The following MECOM variants were observed in gnomAD, a reference collection of about 807,000 sequenced individuals.
The protein encoded by MECOM is histone-lysine N-methyltransferase MECOM.
Under a neutral mutation model 116.3 loss-of-function variants are expected in MECOM, and 13 were observed. The ratio of observed to expected loss-of-function variants is 0.11; its 90% CI spans 0.07 to 0.18. The LOEUF (loss-of-function observed/expected upper bound fraction) is 0.18, where lower values mean the gene tolerates loss of function less well. MECOM is among the 10% of genes least tolerant of loss of function. The pLI is 1.00. For missense variants in MECOM, 1,299 were observed against 1,509.0 expected (o/e 0.86, Z 2.31); for synonymous variants, 528 against 535.2 (o/e 0.99, Z 0.19).
intron 1 of MECOM, among the ~76,000 whole-genome samples, chr3:169,561,111 T>C (rs551508388): frequency 1.8e-4 from 28 of 151,844 alleles, no homozygotes; most frequent in Non-Finnish European, 3.8e-4. Flanking sequence ...ATTAAAATAA[T>C]AAAATATAAT....
chr3:169,438,933 A>C (rs1743159789), intron 1 of MECOM, among the ~76,000 whole-genome samples: 1 of 152,088 alleles, frequency 6.6e-6, no homozygotes, highest in East Asian at 1.9e-4. Context: ...CATAAATTAA[A>C]AACAATCTCA....
chr3:169,421,664 C>A (rs1054834280), intron 1 of MECOM, among the ~76,000 whole-genome samples: 4 of 151,580 alleles, frequency 2.6e-5, no homozygotes, highest in African/African-American at 9.7e-5. Flanking sequence ...GCAAACCAAT[C>A]ACTTATAGCA....
chr3:169,355,447 ATCT>A (rs1727106049), intron 2 of MECOM, among the ~76,000 whole-genome samples: 1 of 151,952 alleles, frequency 6.6e-6, no homozygotes, highest in Admixed American at 6.6e-5. Flanking sequence ...TTGCAAAGTA[ATCT>A]TCTACCAAAC....
At chr3:169,142,833 T>C (rs1017035431) in intron 3 of MECOM, among the ~76,000 whole-genome samples, 1 of 151,976 alleles carries the variant, frequency 6.6e-6, no homozygotes, top group Admixed American at 6.6e-5. Context: ...GGTGATTTCA[T>C]AGTAGATTTG....
intron 12 of MECOM, among the ~76,000 whole-genome samples, chr3:169,097,174 A>G (rs1721768084): frequency 6.6e-6 from 1 of 152,114 alleles, no homozygotes. Context: ...TTCTACACAA[A>G]TCATGAGGAA....
intron 2 of MECOM, among the ~76,000 whole-genome samples, chr3:169,329,068 A>G (rs1324555690): frequency 6.6e-6 from 1 of 152,232 alleles, no homozygotes; most frequent in Non-Finnish European, 1.5e-5. Flanking sequence ...TCCGAAGTAA[A>G]GAAATGTTAT....
chr3:169,504,899 C>T (rs1755006547), intron 1 of MECOM, among the ~76,000 whole-genome samples: 1 of 152,182 alleles, frequency 6.6e-6, no homozygotes, highest in African/African-American at 2.4e-5. Flanking sequence ...TATGCTTACG[C>T]TTAGCATAGG....
chr3:169,573,389 G>C (rs1340557843), intron 1 of MECOM, among the ~76,000 whole-genome samples: 1 of 152,196 alleles, frequency 6.6e-6, no homozygotes, highest in African/African-American at 2.4e-5. Context: ...TGGAATCTTG[G>C]AAAGGGAGAA....
At chr3:169,199,270 C>T (rs1748844863) in intron 2 of MECOM, among the ~76,000 whole-genome samples, 1 of 152,002 alleles carries the variant, frequency 6.6e-6, no homozygotes, top group Non-Finnish European at 1.5e-5. Context: ...CCGTCAGCAC[C>T]CCAGCAGAGC....
chr3:169,191,714 AAGAAAAAAAGAAAGAAAGAAAGAAAG>A (rs1342860700), intron 2 of MECOM, among the ~76,000 whole-genome samples: 2,266 of 43,064 alleles, frequency 0.053, 45 homozygotes, highest in African/African-American at 0.095. Flanking sequence ...GAAAGAAAGA[AAGAAAAAAAGAAAGAAAGAAAGAAAG>A]AGAAAGAAAG....
intron 2 of MECOM, among the ~76,000 whole-genome samples, chr3:169,172,799 G>A (rs1230281044): frequency 6.6e-6 from 1 of 152,086 alleles, no homozygotes; most frequent in African/African-American, 2.4e-5. Flanking sequence ...CAGCTAACCG[G>A]CAGCAAGCCC....
At chr3:169,338,025 C>T (rs1000093399) in intron 2 of MECOM, among the ~76,000 whole-genome samples, 4 of 152,150 alleles carry the variant, frequency 2.6e-5, no homozygotes, top group African/African-American at 7.2e-5. Context: ...TTCATAAGTG[C>T]TGCATATTCA....
Position 169,482,667 on chromosome 3 carries a change from A to G in MECOM, c.38-101143T>C, listed in dbSNP as rs539238603. On this transcript the variant is annotated intron_variant, in intron 1 of 16. Transcript: ENST00000651503. ...TCTAACAAGATGAAGTCATGCATCGAGAAGTCAGTGCTCATTGTCTCCTTG... is the reference window on the plus strand; with the variant it reads ...TCTAACAAGATGAAGTCATGCATCGGGAAGTCAGTGCTCATTGTCTCCTTG... Among the ~76,000 whole-genome samples, 330 of 152,276 alleles carry G rather than the reference A, an allele frequency of 2.2e-3. 2 individuals are homozygous for G. The highest frequency in any genetic ancestry group is 7.7e-3 in the African/African-American group (319 of 41,562).
intron 2 of MECOM, among the ~76,000 whole-genome samples, chr3:169,172,465 G>T (rs909101728): frequency 6.7e-6 from 1 of 148,934 alleles, no homozygotes; most frequent in Admixed American, 6.7e-5. Context: ...AAAATTAAAG[G>T]CCTATCCATA....
At position 169,095,260 on chromosome 3, in the gene MECOM, AAG is replaced by A. The variant is rs1410336931; in HGVS notation, c.2850-17_2850-16del. 2 of 1,598,262 alleles carry A rather than the reference AAG, an allele frequency of 1.3e-6. No individual in the cohort carries two copies. Among genetic ancestry groups the A allele is most frequent in the Admixed American group, 3.5e-5 (2 of 57,968 alleles). On this transcript the variant is annotated splice_polypyrimidine_tract_variant and intron_variant, in intron 12 of 16. Coordinates refer to ENST00000651503, the MANE Select transcript of MECOM (RefSeq NM_004991.4). ...AGTATTTGCATCTGAAAAATAAACA[AAG>A]AGAAAATATTAGCAAGCACATTAAA...
At chr3:169,500,429 A>C (rs557744754) in intron 1 of MECOM, among the ~76,000 whole-genome samples, 1 of 152,040 alleles carries the variant, frequency 6.6e-6, no homozygotes, top group African/African-American at 2.4e-5. Flanking sequence ...TGTCAAAAAG[A>C]GACAAAACCA....
At chr3:169,439,302 T>C (rs1560276054) in intron 1 of MECOM, among the ~76,000 whole-genome samples, 2 of 147,420 alleles carry the variant, frequency 1.4e-5, no homozygotes, top group East Asian at 3.9e-4. Context: ...ATATACATAA[T>C]TAACTAAGGA....
chr3:169,491,029 T>A (rs1753029955), intron 1 of MECOM, among the ~76,000 whole-genome samples: 1 of 151,866 alleles, frequency 6.6e-6, no homozygotes, highest in Admixed American at 6.6e-5. Context: ...CAGTTAACAT[T>A]TTAATTTTTT....
chr3:169,621,253 G>A (rs1014916910), intron 1 of MECOM, among the ~76,000 whole-genome samples: 6 of 152,100 alleles, frequency 3.9e-5, no homozygotes, highest in East Asian at 1.9e-4. Flanking sequence ...ACTTGTCAGC[G>A]TCTCACTATC....
Sources: allele counts gnomAD v4.1 joint callset (sites outside exome capture counted in the v4.1 genomes callset), GRCh38; gene constraint gnomAD v4.1.1; transcripts MANE v1.5; gene names NCBI Gene and HGNC (gene_info 2026-07-23, HGNC 2026-07-21).